PPM1E: variants seen among roughly 807,000 people sequenced by gnomAD.
PPM1E encodes the protein protein phosphatase 1E.
In PPM1E, 20 loss-of-function variants were observed where a neutral mutation model predicts 65.9. The ratio of observed to expected loss-of-function variants is 0.30; its 90% CI spans 0.21 to 0.44. The LOEUF (loss-of-function observed/expected upper bound fraction) is 0.44, where lower values mean the gene tolerates loss of function less well. Ranked by LOEUF, PPM1E falls within the 20% of genes least tolerant of loss-of-function variation. The pLI is 1.00. For synonymous variants in PPM1E, 352 were observed against 374.9 expected (o/e 0.94, Z 0.70); for missense variants, 713 against 953.1 (o/e 0.75, Z 3.32).
chr17:58,912,200 C>T (rs1333041609), intron 1 of PPM1E, among the ~76,000 whole-genome samples: 1 of 152,098 alleles, frequency 6.6e-6, no homozygotes, highest in Admixed American at 6.6e-5. Context: ...CTGGGCAAGT[C>T]AGGGCACAAC....
intron 1 of PPM1E, among the ~76,000 whole-genome samples, chr17:58,811,134 A>G (rs1025517061): frequency 2.0e-5 from 3 of 152,230 alleles, no homozygotes; most frequent in African/African-American, 7.2e-5. Context: ...CTGGGATTAC[A>G]GGTGTGAGTC....
At chr17:58,971,711 A>C (rs1311109929) in intron 4 of PPM1E, among the ~76,000 whole-genome samples, 1 of 152,224 alleles carries the variant, frequency 6.6e-6, no homozygotes, top group Non-Finnish European at 1.5e-5. Context: ...CTGAACAAAT[A>C]CGATGTCAGT....
chr17:58,805,565 T>C (rs2050297476), intron 1 of PPM1E, among the ~76,000 whole-genome samples: 1 of 152,126 alleles, frequency 6.6e-6, no homozygotes, highest in Admixed American at 6.6e-5. Context: ...GTGTAGTCTT[T>C]TATCCCTCAC....
intron 1 of PPM1E, among the ~76,000 whole-genome samples, chr17:58,881,385 C>T (rs941963498): frequency 6.6e-6 from 1 of 152,194 alleles, no homozygotes; most frequent in African/African-American, 2.4e-5. Flanking sequence ...AAAAATTGGC[C>T]GGGCGTGGTG....
At chr17:58,959,293 G>T (rs968243082) in intron 2 of PPM1E, among the ~76,000 whole-genome samples, 4 of 115,852 alleles carry the variant, frequency 3.5e-5, no homozygotes, top group Non-Finnish European at 6.7e-5. Context: ...TGGGCAACAA[G>T]AGTGAGACTC....
At chr17:58,956,738 G>T (rs2029881922) in intron 2 of PPM1E, among the ~76,000 whole-genome samples, 1 of 152,090 alleles carries the variant, frequency 6.6e-6, no homozygotes, top group African/African-American at 2.4e-5. Context: ...AAAAATTAGA[G>T]AATTACTACT....
intron 2 of PPM1E, among the ~76,000 whole-genome samples, chr17:58,963,213 C>T (rs1450538421): frequency 4.6e-5 from 7 of 150,672 alleles, no homozygotes; most frequent in East Asian, 2.0e-4. Flanking sequence ...GGTGAAACCC[C>T]GTCTCTACTA....
intron 1 of PPM1E, among the ~76,000 whole-genome samples, chr17:58,911,376 C>T (rs1269910990): frequency 6.6e-6 from 1 of 152,030 alleles, no homozygotes; most frequent in Non-Finnish European, 1.5e-5. Flanking sequence ...TTAATTGTAA[C>T]ACAGGAATAG....
Position 58,756,268 on chromosome 17 carries a change from G to A in PPM1E, c.271G>A (p.Ala91Thr), listed in dbSNP as rs1415997555. 9 of 1,548,976 alleles carry A rather than the reference G, an allele frequency of 5.8e-6. No individual in the cohort carries two copies. The highest frequency in any genetic ancestry group is 7.9e-6 in the Non-Finnish European group (9 of 1,146,296). The change falls in exon 1 of 7, where the codon GCG (alanine) becomes ACG (threonine). Residue 91 changes from alanine (A) to threonine (T), a missense_variant. Ala to Thr is a moderately conservative substitution (Grantham distance 58). Around this residue, in one of 6 missense-constraint regions of PPM1E, gnomAD observed 212 missense variants for 204.0 expected, o/e 1.04. Transcript: ENST00000308249. ...QEQDPEPEEEAAVEGEEEEEG... is the reference protein window; with the variant it reads ...QEQDPEPEEETAVEGEEEEEG... ...GCAAGACCCGGAGCCCGAGGAGGAGGCGGCGGTTGAGGGTGAGGAGGAGGA... is the reference window on the plus strand; with the variant it reads ...GCAAGACCCGGAGCCCGAGGAGGAGACGGCGGTTGAGGGTGAGGAGGAGGA...
chr17:58,790,671 G>C (rs899493702), intron 1 of PPM1E, among the ~76,000 whole-genome samples: 1 of 152,082 alleles, frequency 6.6e-6, no homozygotes, highest in Admixed American at 6.6e-5. Flanking sequence ...AGAAGCTCAA[G>C]CCACATGGAG....
At chr17:58,932,543 A>T (rs894254820) in intron 1 of PPM1E, among the ~76,000 whole-genome samples, 1 of 152,228 alleles carries the variant, frequency 6.6e-6, no homozygotes, top group African/African-American at 2.4e-5. Flanking sequence ...ATAAATTATA[A>T]AAACAAACAA....
chr17:58,939,882 A>T (rs1426486594), intron 1 of PPM1E, among the ~76,000 whole-genome samples: 1 of 152,222 alleles, frequency 6.6e-6, no homozygotes, highest in Non-Finnish European at 1.5e-5. Context: ...CTGTTTATAT[A>T]CATAAAAAGA....
chr17:58,816,769 TATATATATATATATATA>T (rs2050423416), intron 1 of PPM1E, among the ~76,000 whole-genome samples: 3 of 15,918 alleles, frequency 1.9e-4, no homozygotes, highest in African/African-American at 6.7e-4. Context: ...TATATATATA[TATATATATATATATATA>T]TATATATATT....
At chr17:58,791,731 T>G (rs2050159421) in intron 1 of PPM1E, among the ~76,000 whole-genome samples, 1 of 152,122 alleles carries the variant, frequency 6.6e-6, no homozygotes, top group Admixed American at 6.6e-5. Context: ...GATTTAATCA[T>G]AATGGGCTAC....
intron 1 of PPM1E, among the ~76,000 whole-genome samples, chr17:58,881,433 G>A (rs956149574): frequency 6.6e-6 from 1 of 152,132 alleles, no homozygotes; most frequent in Admixed American, 6.5e-5. Context: ...GAAGGCCGAG[G>A]TGAGTGGATC....
At chr17:58,843,243 A>G (rs974959891) in intron 1 of PPM1E, among the ~76,000 whole-genome samples, 4 of 150,910 alleles carry the variant, frequency 2.7e-5, no homozygotes, top group Admixed American at 1.3e-4. Context: ...GGAGAATGGC[A>G]TGAACCTGAG....
chr17:58,970,858 G>A (rs555489030), intron 4 of PPM1E, among the ~76,000 whole-genome samples: 4 of 152,068 alleles, frequency 2.6e-5, no homozygotes, highest in Non-Finnish European at 5.9e-5. Context: ...GACAAGGGCC[G>A]GCCCCTGAGA....
At chr17:58,808,550 CAGAG>C (rs899046959) in intron 1 of PPM1E, among the ~76,000 whole-genome samples, 1 of 150,978 alleles carries the variant, frequency 6.6e-6, no homozygotes, top group Non-Finnish European at 1.5e-5. Context: ...GTTTGTGAGA[CAGAG>C]AGAGGGAGGG....
At chr17:58,962,815 C>T (rs1460502882) in intron 2 of PPM1E, among the ~76,000 whole-genome samples, 1 of 152,128 alleles carries the variant, frequency 6.6e-6, no homozygotes, top group Non-Finnish European at 1.5e-5. Flanking sequence ...CATGGCAGCT[C>T]ATGCCTGTAA....
Sources: gnomAD v4.1 joint callset for allele counts (sites outside exome capture counted in the v4.1 genomes callset) on GRCh38, gnomAD v4.1.1 for gene constraint, gnomAD v4.1.1 regional missense constraint, MANE v1.5 for transcripts, NCBI Gene and HGNC (gene_info 2026-07-23, HGNC 2026-07-21) for gene names.